The following ZNF783 variants were observed in gnomAD, a reference collection of about 807,000 sequenced individuals.
ZNF783 encodes the protein zinc finger protein 783.
Under a neutral mutation model 31.3 loss-of-function variants are expected in ZNF783, and 25 were observed. That is an observed-to-expected ratio of 0.80 (90% CI 0.58 to 1.11). The LOEUF (loss-of-function observed/expected upper bound fraction) is 1.11. Among genes scored for constraint, ZNF783 ranks in the 50% most tolerant of loss-of-function variants. The pLI is 0.00. For synonymous variants in ZNF783, 369 were observed against 319.1 expected, an observed-to-expected ratio of 1.16 and a Z score of -1.66; for missense variants, 797 against 760.0, an observed-to-expected ratio of 1.05 and a Z score of -0.57.
In ZNF783 at chr7:149,266,679, G is replaced by C. The variant is rs372527891; in HGVS notation, c.369G>C (p.Arg123Ser). 2 of 1,614,016 alleles carry C rather than the reference G, an allele frequency of 1.2e-6. No homozygotes were observed. Among genetic ancestry groups the C allele is most frequent in the African/African-American group, 2.7e-5 (2 of 74,910 alleles). The part of the protein sequence containing the change: ...LENVENLLRN[R>S]NFWILRLPPG... ...ATGTGGAGAACTTGCTGCGCAACAGGAACTTCTGGATCTTGCGGCTGCCCC... is the reference window on the plus strand; with the variant it reads ...ATGTGGAGAACTTGCTGCGCAACAGCAACTTCTGGATCTTGCGGCTGCCCC... The change falls in exon 2 of 6, where the codon AGG (arginine) becomes AGC (serine). Residue 123 changes from arginine (R) to serine (S), a missense_variant. Coordinates refer to ENST00000434415, the MANE Select transcript of ZNF783 (RefSeq NM_001195220.2).
Position 149,283,821 on chromosome 7 carries a change from C to T in ZNF783, c.*1478C>T, listed in dbSNP as rs912008622. ...AACAGGCACTGGGACAAATATGAAG[C>T]CTAGCTTTGTGCTTCCTTTCAAATT... On this transcript the variant is annotated 3_prime_UTR_variant, in exon 6 of 6. Coordinates refer to ENST00000434415, the MANE Select transcript of ZNF783 (RefSeq NM_001195220.2). 6.6e-6 allele frequency: 1 copy of T among 152,228 alleles called. No homozygotes were observed. Among genetic ancestry groups the T allele is most frequent in the Non-Finnish European group, 1.5e-5 (1 of 68,056 alleles). The allele number at this position is 152,228 out of a possible 1,614,324, so 9.4% of individuals were successfully genotyped here.
intron 1 of ZNF783, among the ~76,000 whole-genome samples, chr7:149,263,123 T>G (rs920672230): frequency 7.9e-5 from 12 of 151,478 alleles, no homozygotes; most frequent in Admixed American, 4.6e-4. Flanking sequence ...GAGACTGGGT[T>G]TCACTATGTT....
intron 1 of ZNF783, among the ~76,000 whole-genome samples, 188 bp downstream of exon 1, chr7:149,262,545 C>T (rs1468340736): frequency 1.3e-5 from 2 of 152,216 alleles, no homozygotes; most frequent in African/African-American, 4.8e-5. Flanking sequence ...AATGCCAGGC[C>T]CGGCGGGCGG....
At chr7:149,263,265 C>CGT (rs56067256) in intron 1 of ZNF783, among the ~76,000 whole-genome samples, 2,265 of 121,332 alleles carry the variant, frequency 0.019, 34 homozygotes, top group South Asian at 0.046. Context: ...TATATATATA[C>CGT]GTGTGTGTGT....
intron 5 of ZNF783, among the ~76,000 whole-genome samples, chr7:149,279,997 C>T (rs943968241): frequency 5.9e-4 from 90 of 152,226 alleles, no homozygotes; most frequent in Middle Eastern, 3.4e-3. Flanking sequence ...ACCTCCCAGA[C>T]GAGATGGTGG....
At chr7:149,263,264 ACGTGTGTGTG>A (rs769620527) in intron 1 of ZNF783, among the ~76,000 whole-genome samples, 4 of 105,982 alleles carry the variant, frequency 3.8e-5, no homozygotes, top group Non-Finnish European at 7.6e-5. Context: ...ATATATATAT[ACGTGTGTGTG>A]TGTGTGTGTG....
rs1398449469 is a variant in ZNF783, at chr7:149,278,422, C to T, written c.697C>T (p.Leu233Phe). 2 of 1,599,358 alleles carry T rather than the reference C, an allele frequency of 1.3e-6. No individual in the cohort carries two copies. The highest frequency in any genetic ancestry group is 2.2e-5 in the South Asian group (2 of 91,080). Residue 233 changes from leucine to phenylalanine, a missense_variant, in exon 5 of 6, where the codon CTC becomes TTC. Transcript: ENST00000434415. ...AGGCCTCCCTCCGTATCCAGAGCAC[C>T]TCACCAGCCCACTTAGCCCTGCCCA... ...GTGLPPYPEH[L>F]TSPLSPAQEE...
rs773993185 is a variant in ZNF783 at position 149,282,273 on chromosome 7, A to G, written c.1571A>G (p.His524Arg). The G allele has an allele frequency of 2.5e-6, 4 of 1,584,684 alleles. No homozygotes were observed. The African/African-American group carries it at 4.0e-5, about 16-fold the overall frequency. Residue 524 changes from histidine to arginine, a missense_variant, in exon 6 of 6, where the codon CAC becomes CGC. By Grantham distance (29) the His-to-Arg change is conservative. Transcript: ENST00000434415. ...QTHARGQVGP[H>R]FPAAPARHGS... is the part of the protein sequence containing the mutation. ...CACGCCCGAGGCCAGGTGGGCCCAC[A>G]CTTCCCTGCCGCCCCCGCCCGCCAC...
At position 149,266,703 on chromosome 7, in the gene ZNF783, C is replaced by G. The variant is rs746241613; in HGVS notation, c.393C>G (p.Pro131=). 1.2e-6 allele frequency: 2 copies of G among 1,613,970 alleles called. No homozygotes were observed. Among genetic ancestry groups the G allele is most frequent in the East Asian group, 2.2e-5 (1 of 44,870 alleles). Residue 131 remains proline (P), a synonymous_variant, in exon 2 of 6, where the codon CCC becomes CCG. Transcript: ENST00000434415. ...GGAACTTCTGGATCTTGCGGCTGCC[C>G]CCGGGCAGCAAGGGGGAGGCCCCCA... ...RNRNFWILRL[P]PGSKGEAPKV...
chr7:149,280,994 C>T (rs1286847181), intron 5 of ZNF783, among the ~76,000 whole-genome samples: 1 of 152,228 alleles, frequency 6.6e-6, no homozygotes, highest in Non-Finnish European at 1.5e-5. Context: ...CGTGGACGCT[C>T]TGTGTGGATT....
chr7:149,280,137 G>A (rs1412682234), intron 5 of ZNF783, among the ~76,000 whole-genome samples: 4 of 147,912 alleles, frequency 2.7e-5, no homozygotes, highest in East Asian at 2.1e-4. Context: ...GCGGCTGGCC[G>A]GGCGGGGGGC....
chr7:149,273,544 C>CTT (rs199971838), intron 4 of ZNF783, among the ~76,000 whole-genome samples: 1 of 143,768 alleles, frequency 7.0e-6, no homozygotes. Flanking sequence ...GCCATTTGTA[C>CTT]TTTTTTTTTT....
rs146403493 is a variant in ZNF783, at chr7:149,262,251, CG to C, written c.-82del. The stretch of plus-strand genomic sequence containing the variant: ...CTCTCAGGTTAGGCGGGTCCCGCTC[CG>C]CTTCCGCCGTCGCTGCCGCGCCGCC... On this transcript the variant is annotated 5_prime_UTR_variant, in exon 1 of 6. Transcript: ENST00000434415. The C allele has an allele frequency of 5.4e-3, 6,814 of 1,256,436 alleles. 110 individuals carry two copies. Among genetic ancestry groups the C allele is most frequent in the African/African-American group, 0.051 (3,186 of 63,064 alleles). The allele number at this position is 1,256,436 out of a possible 1,614,324, so 77.8% of individuals were successfully genotyped here.
intron 1 of ZNF783, among the ~76,000 whole-genome samples, chr7:149,263,304 G>GTGTATATA (rs1459712064): frequency 1.6e-5 from 1 of 64,292 alleles, no homozygotes; most frequent in Non-Finnish European, 3.0e-5. Flanking sequence ...GTGTGTGTGT[G>GTGTATATA]TATATATATA....
intron 4 of ZNF783, among the ~76,000 whole-genome samples, chr7:149,268,385 A>G (rs1488833348): frequency 1.3e-5 from 2 of 152,238 alleles, no homozygotes; most frequent in African/African-American, 2.4e-5. Flanking sequence ...TATTAAAAAA[A>G]CTTATGACAA....
In ZNF783 at chr7:149,266,511, G is replaced by A. The variant is rs1797070412; in HGVS notation, c.201G>A (p.Leu67=). The A allele has an allele frequency of 3.1e-6, 5 of 1,613,882 alleles. No individual in the cohort carries two copies. The highest frequency in any genetic ancestry group is 4.2e-6 in the Non-Finnish European group (5 of 1,180,046). Residue 67 remains leucine, a synonymous_variant, in exon 2 of 6, where the codon CTG becomes CTA. Coordinates refer to ENST00000434415, the MANE Select transcript of ZNF783 (RefSeq NM_001195220.2). The stretch of plus-strand genomic sequence containing the variant: ...CCTGCCTGACCCGCTTGCTGACTCT[G>A]GAGGGGCGCACGGGGACAGCCGAGA... ...VDSCLTRLLT[L]EGRTGTAEKK...
chr7:149,276,778 C>A, intron 4 of ZNF783: 2 of 255,364 alleles, frequency 7.8e-6, no homozygotes, highest in Non-Finnish European at 1.2e-5. Context: ...CTCAAGCCAT[C>A]CTCCTGCCTC....
In ZNF783 at chr7:149,275,321, T is replaced by C. The variant is rs187910741; in HGVS notation, c.674-3078T>C. Among the ~76,000 whole-genome samples the C allele has an allele frequency of 3.8e-3, 574 of 149,698 alleles. 2 individuals carry two copies. Among genetic ancestry groups the C allele is most frequent in the Middle Eastern group, 0.021 (6 of 286 alleles). ...GGAGGCTTTAGGTTTTTCTTTCTTT[T>C]TTTTTTTTTTAGACGGAGTTTCGCT... On this transcript the variant is annotated intron_variant, in intron 4 of 5. Transcript: ENST00000434415.
At chr7:149,275,743 G>A (rs1797313665) in intron 4 of ZNF783, 1 of 152,376 alleles carries the variant, frequency 6.6e-6, no homozygotes, top group South Asian at 2.1e-4. Flanking sequence ...GGAACTGATG[G>A]AAGTGGCATT....
Sources: gnomAD v4.1 joint callset for allele counts (sites outside exome capture counted in the v4.1 genomes callset) on GRCh38, gnomAD v4.1.1 for gene constraint, MANE v1.5 for transcripts, NCBI Gene and HGNC (gene_info 2026-07-23, HGNC 2026-07-21) for gene names.